Variants in LUZP2 observed in about 807,000 individuals in gnomAD.
LUZP2 encodes leucine zipper protein 2.
A neutral mutation model predicts 51.6 loss-of-function variants in LUZP2; 52 were observed. That is an observed-to-expected ratio of 1.01 (90% CI 0.81 to 1.27). LUZP2 has a LOEUF of 1.27. Among genes scored for constraint, LUZP2 ranks in the 50% most tolerant of loss-of-function variants. The pLI, the probability that LUZP2 is intolerant of heterozygous loss-of-function variation, is 0.00. For synonymous variants in LUZP2, 154 were observed against 137.3 expected (o/e 1.12, Z -0.85); for missense variants, 436 against 395.4 (o/e 1.10, Z -0.87).
At chr11:24,926,667 A>ATGTG (rs34450333) in intron 7 of LUZP2, among the ~76,000 whole-genome samples, 1,612 of 146,186 alleles carry the variant, frequency 0.011, 8 homozygotes, top group African/African-American at 0.02. Flanking sequence ...GTATATATAT[A>ATGTG]TGTGTGTGTG....
At chr11:25,019,802 C>T (rs1857277808) in intron 9 of LUZP2, among the ~76,000 whole-genome samples, 1 of 152,016 alleles carries the variant, frequency 6.6e-6, no homozygotes, top group African/African-American at 2.4e-5. Flanking sequence ...CTTGAGGCTA[C>T]TGTCAGAGGC....
At chr11:24,667,992 A>G (rs113385781) in intron 1 of LUZP2, among the ~76,000 whole-genome samples, 8 of 152,350 alleles carry the variant, frequency 5.3e-5, no homozygotes, top group African/African-American at 1.7e-4. Context: ...AAAGCAGTAA[A>G]ACTGGCAATA....
chr11:24,752,977 AAG>A (rs1487914589), intron 4 of LUZP2, among the ~76,000 whole-genome samples: 1 of 152,112 alleles, frequency 6.6e-6, no homozygotes, highest in African/African-American at 2.4e-5. Flanking sequence ...ATACAGACAA[AAG>A]AATATAAAGA....
chr11:24,554,817 G>A lies in LUZP2; in HGVS notation c.62+57512G>A, dbSNP rs369319220. Among the ~76,000 whole-genome samples, 10 of 149,550 alleles carry A rather than the reference G, an allele frequency of 6.7e-5. No individual in the cohort carries two copies. The East Asian group carries it at 1.6e-3, about 24-fold the overall frequency. On this transcript the variant is annotated intron_variant, in intron 1 of 11. Coordinates refer to ENST00000336930, the MANE Select transcript of LUZP2 (RefSeq NM_001009909.4). The stretch of plus-strand genomic sequence containing the variant: ...CCTAAAGTTTATTTCATTCAAGTCC[G>A]GTAATGATGGTGTAAACAGTAGCCC...
At chr11:24,993,866 G>T (rs566527821) in intron 9 of LUZP2, among the ~76,000 whole-genome samples, 11 of 151,226 alleles carry the variant, frequency 7.3e-5, no homozygotes, top group Admixed American at 2.0e-4. Flanking sequence ...CTTTTTTTTG[G>T]GGGGGGTGTG....
intron 5 of LUZP2, among the ~76,000 whole-genome samples, chr11:24,868,239 ATTC>A (rs1281415494): frequency 1.3e-5 from 2 of 152,146 alleles, no homozygotes; most frequent in Non-Finnish European, 2.9e-5. Flanking sequence ...ACAGAGATAA[ATTC>A]TTCCTTACTG....
intron 1 of LUZP2, among the ~76,000 whole-genome samples, chr11:24,720,891 G>T (rs978900342): frequency 3.3e-5 from 5 of 152,248 alleles, no homozygotes; most frequent in South Asian, 4.1e-4. Flanking sequence ...AGTAGAGACA[G>T]GGTTTCACCG....
At chr11:24,504,707 A>G (rs769066794) in intron 1 of LUZP2, among the ~76,000 whole-genome samples, 1 of 152,012 alleles carries the variant, frequency 6.6e-6, no homozygotes. Flanking sequence ...ATGTAATTTA[A>G]TAATTTTTTT....
chr11:24,803,383 A>G (rs867786505), intron 5 of LUZP2, among the ~76,000 whole-genome samples: 32 of 152,170 alleles, frequency 2.1e-4, no homozygotes, highest in Middle Eastern at 3.4e-3. Flanking sequence ...AACACATAAA[A>G]TAACAAGTGT....
chr11:25,018,365 C>G (rs1005741027), intron 9 of LUZP2, among the ~76,000 whole-genome samples: 1 of 152,018 alleles, frequency 6.6e-6, no homozygotes, highest in Admixed American at 6.6e-5. Context: ...GGAACAGAAT[C>G]ACTAAGTTCA....
intron 8 of LUZP2, among the ~76,000 whole-genome samples, chr11:24,978,623 AATAGAAAATAT>A (rs1855942590): frequency 6.6e-6 from 1 of 151,758 alleles, no homozygotes; most frequent in South Asian, 2.1e-4. Context: ...TACAAGGGAA[AATAGAAAATAT>A]ATGACACAAG....
intron 7 of LUZP2, among the ~76,000 whole-genome samples, chr11:24,967,060 G>T (rs1000638820): frequency 6.6e-6 from 1 of 151,660 alleles, no homozygotes; most frequent in African/African-American, 2.4e-5. Flanking sequence ...TCCAGATTCT[G>T]TCCTGATCCA....
At chr11:24,829,525 T>C (rs148848238) in intron 5 of LUZP2, among the ~76,000 whole-genome samples, 1 of 152,324 alleles carries the variant, frequency 6.6e-6, no homozygotes, top group Non-Finnish European at 1.5e-5. Context: ...ATTATATATG[T>C]ATATACCCAT....
At chr11:24,599,911 G>A (rs1853564905) in intron 1 of LUZP2, among the ~76,000 whole-genome samples, 1 of 152,028 alleles carries the variant, frequency 6.6e-6, no homozygotes, top group Admixed American at 6.6e-5. Flanking sequence ...TCACACATAA[G>A]CATGGGTTAC....
At chr11:24,967,074 T>C (rs1855605418) in intron 7 of LUZP2, among the ~76,000 whole-genome samples, 1 of 151,754 alleles carries the variant, frequency 6.6e-6, no homozygotes, top group Non-Finnish European at 1.5e-5. Flanking sequence ...TGATCCATTG[T>C]CATATATGTC....
rs779125231 is a variant in LUZP2, at chr11:24,906,377, T to TC, written c.459+328dup. The stretch of plus-strand genomic sequence containing the variant: ...AGTCCATAAAATTTCCTTTTTTTTT[T>TC]CCCCTCTCTTGTACTTTCTATGTGA... On this transcript the variant is annotated intron_variant, in intron 6 of 11. Transcript: ENST00000336930. 5.9e-5 allele frequency among the ~76,000 whole-genome samples: 9 copies of TC among 151,934 alleles called. No individual in the cohort carries two copies. In the East Asian group the frequency reaches 7.7e-4, roughly 13 times the overall value.
intron 9 of LUZP2, among the ~76,000 whole-genome samples, chr11:25,017,722 T>C (rs1455861549): frequency 6.6e-6 from 1 of 152,092 alleles, no homozygotes; most frequent in Non-Finnish European, 1.5e-5. Context: ...TTGTTGTTGT[T>C]GTTGTTATGT....
chr11:24,791,233 A>G (rs1026365290), intron 5 of LUZP2, among the ~76,000 whole-genome samples: 1 of 152,328 alleles, frequency 6.6e-6, no homozygotes, highest in East Asian at 1.9e-4. Context: ...AGCTATCTTC[A>G]TGATTTTATG....
At chr11:24,867,206 G>A (rs528679631) in intron 5 of LUZP2, among the ~76,000 whole-genome samples, 1 of 152,220 alleles carries the variant, frequency 6.6e-6, no homozygotes, top group Admixed American at 6.5e-5. Flanking sequence ...GTAACTCCTT[G>A]CATTCTCATC....
Sources: allele counts gnomAD v4.1 joint callset (sites outside exome capture counted in the v4.1 genomes callset), GRCh38; gene constraint gnomAD v4.1.1; transcripts MANE v1.5; gene names NCBI Gene and HGNC (gene_info 2026-07-23, HGNC 2026-07-21).